ANKDD1B: variants seen among roughly 807,000 people sequenced by gnomAD.
ANKDD1B encodes the protein ankyrin repeat and death domain containing 1B.
Under a neutral mutation model 59.7 loss-of-function variants are expected in ANKDD1B, and 57 were observed. The observed-to-expected ratio is 0.95, with a 90% CI of 0.77 to 1.19. The LOEUF is 1.19. ANKDD1B is among the 50% of genes most tolerant of loss of function. The pLI is 0.00. For missense variants in ANKDD1B, 602 were observed against 641.9 expected (o/e 0.94, Z 0.67); for synonymous variants, 216 against 239.5 (o/e 0.90, Z 0.91).
At position 75,631,587 on chromosome 5, in the gene ANKDD1B, G is replaced by A. The variant is rs145917009; in HGVS notation, c.601-3311G>A. On this transcript the variant is annotated intron_variant, in intron 5 of 13. Transcript: ENST00000601380. ...GGGCATGAGCCTTCTAAGCCAGGAT[G>A]GCTCCGACCCATCCAATGTGGATCT... 3.5e-3 allele frequency among the ~76,000 whole-genome samples: 538 copies of A among 152,264 alleles called. 6 individuals carry two copies. Among genetic ancestry groups the A allele is most frequent in the African/African-American group, 0.011 (453 of 41,550 alleles).
At chr5:75,661,060 C>T (rs1157869183) in intron 10 of ANKDD1B, among the ~76,000 whole-genome samples, 1 of 150,044 alleles carries the variant, frequency 6.7e-6, no homozygotes, top group Non-Finnish European at 1.5e-5. Flanking sequence ...GTGTCAGTTT[C>T]TAAAATTAGG....
At chr5:75,638,933 T>C (rs149884550) in intron 7 of ANKDD1B, among the ~76,000 whole-genome samples, 7 of 152,368 alleles carry the variant, frequency 4.6e-5, no homozygotes, top group Non-Finnish European at 1.0e-4. Flanking sequence ...TTTTTGTTTA[T>C]TATAGGTAGT....
At chr5:75,666,486 C>T (rs1036158300) in intron 11 of ANKDD1B, among the ~76,000 whole-genome samples, 3 of 152,148 alleles carry the variant, frequency 2.0e-5, no homozygotes, top group African/African-American at 7.2e-5. Flanking sequence ...GTTGTTGTGA[C>T]ACATCCTTTG....
chr5:75,638,202 T>C (rs1774366837), intron 7 of ANKDD1B, among the ~76,000 whole-genome samples: 1 of 152,204 alleles, frequency 6.6e-6, no homozygotes, highest in Admixed American at 6.5e-5. Context: ...TTTAAACCAC[T>C]GGAATATGTG....
chr5:75,625,001 T>C (rs949746677), intron 3 of ANKDD1B, among the ~76,000 whole-genome samples: 31 of 152,354 alleles, frequency 2.0e-4, no homozygotes, highest in Admixed American at 2.0e-3. Context: ...TTAGCATTCC[T>C]ATGTTGATAG....
chr5:75,663,612 A>G, intron 11 of ANKDD1B, 123 bp downstream of exon 11: 1 of 765,118 alleles, frequency 1.3e-6, no homozygotes, highest in Admixed American at 2.3e-5. Context: ...CAGTACAATT[A>G]TAACTGTCCC....
chr5:75,621,680 ATCTTT>A (rs1773852771), intron 3 of ANKDD1B, among the ~76,000 whole-genome samples: 2 of 152,208 alleles, frequency 1.3e-5, no homozygotes, highest in South Asian at 2.1e-4. Flanking sequence ...ATTAGATTGC[ATCTTT>A]TCTTTTAAAC....
At chr5:75,646,782 C>T (rs1403874956) in intron 7 of ANKDD1B, among the ~76,000 whole-genome samples, 2 of 114,446 alleles carry the variant, frequency 1.7e-5, no homozygotes, top group African/African-American at 1.4e-4. Flanking sequence ...AAAAACAGTC[C>T]GCATCGCCAA....
intron 10 of ANKDD1B, 76 bp downstream of exon 10, chr5:75,659,457 C>T (rs1010534189): frequency 9.7e-6 from 10 of 1,031,268 alleles, no homozygotes; most frequent in Admixed American, 2.0e-5. Context: ...CCTTGAGCAG[C>T]GTTATTGGAA....
In ANKDD1B at chr5:75,666,909, C is replaced by T; in HGVS notation, c.1309C>T (p.Leu437=). 6.5e-7 allele frequency: 1 copy of T among 1,532,830 alleles called. No individual in the cohort carries two copies. Among genetic ancestry groups the T allele is most frequent in the South Asian group, 1.2e-5 (1 of 83,492 alleles). The allele number at this position is 1,532,830 out of a possible 1,614,324, so 95.0% of individuals were successfully genotyped here. ...TLLWDLAYHQ[L]KANEWQRLAR... ...TCTCTGGGACCTGGCTTACCATCAG[C>T]TGAAGGCCAATGAGTGGCAGAGGCT... Residue 437 remains leucine (L), a synonymous_variant, in exon 12 of 14, where the codon CTG becomes TTG. Coordinates refer to ENST00000601380, the MANE Select transcript of ANKDD1B (RefSeq NM_001276713.2).
intron 2 of ANKDD1B, 132 bp from the exon 3 acceptor site, chr5:75,620,183 A>G (rs953603945): frequency 5.2e-6 from 3 of 579,084 alleles, no homozygotes; most frequent in South Asian, 4.4e-5. Context: ...TTTCAAAGGT[A>G]AAGGCAAAGA....
chr5:75,655,567 T>G (rs968458543), intron 8 of ANKDD1B, among the ~76,000 whole-genome samples: 1 of 152,226 alleles, frequency 6.6e-6, no homozygotes, highest in African/African-American at 2.4e-5. Flanking sequence ...TATTTGAGTT[T>G]AAATGTCAGT....
At chr5:75,647,438 A>T (rs879035859) in intron 7 of ANKDD1B, among the ~76,000 whole-genome samples, 1 of 125,638 alleles carries the variant, frequency 8.0e-6, no homozygotes, top group Non-Finnish European at 1.5e-5. Flanking sequence ...AAAAGTGGGC[A>T]AAGGACATGA....
Position 75,666,989 on chromosome 5 carries a change from G to A in ANKDD1B, c.1389G>A (p.Trp463Ter). ...AGATTAGAGCCATTGAGGAGCAGTG[G>A]TCGGGTGAGTACAGACTAGATGATG... ...DDQIRAIEEQ[W>*]SGNESFREHG... The change falls in exon 12 of 14, where the codon TGG (tryptophan) becomes TGA (stop). Residue 463 changes from tryptophan (W) to a stop codon, truncating the protein, a stop_gained. Coordinates refer to ENST00000601380, the MANE Select transcript of ANKDD1B (RefSeq NM_001276713.2). LOFTEE classifies it high-confidence loss of function. The A allele has an allele frequency of 6.8e-7, 1 of 1,475,608 alleles. No homozygotes were observed. Among genetic ancestry groups the A allele is most frequent in the Non-Finnish European group, 8.9e-7 (1 of 1,119,554 alleles). 91.4% of individuals were successfully genotyped at this position (1,475,608 alleles called of 1,614,324 possible). A position where few individuals can be genotyped will look rare whatever the true frequency, so the allele number is the denominator to read the frequency against.
chr5:75,647,989 A>T (rs972233503), intron 7 of ANKDD1B, among the ~76,000 whole-genome samples: 10 of 120,502 alleles, frequency 8.3e-5, no homozygotes, highest in Non-Finnish European at 1.2e-4. Flanking sequence ...ATTCTCAGTA[A>T]ACTATCACAA....
chr5:75,625,770 C>T, intron 4 of ANKDD1B, 25 bp downstream of exon 4: 1 of 1,532,422 alleles, frequency 6.5e-7, no homozygotes, highest in Non-Finnish European at 8.7e-7. Context: ...CACACCTGGA[C>T]AAAAGCTCTT....
At chr5:75,657,547 A>G (rs1462547662) in intron 9 of ANKDD1B, among the ~76,000 whole-genome samples, 1 of 152,110 alleles carries the variant, frequency 6.6e-6, no homozygotes, top group East Asian at 1.9e-4. Context: ...TAGGTTTGTC[A>G]GTATAAGTGT....
At chr5:75,616,406 A>G (rs1294760368) in intron 1 of ANKDD1B, among the ~76,000 whole-genome samples, 3 of 152,222 alleles carry the variant, frequency 2.0e-5, no homozygotes, top group African/African-American at 7.2e-5. Context: ...TCTGAAGACA[A>G]CAGTTTTATC....
At chr5:75,629,324 A>C (rs1187035479) in intron 5 of ANKDD1B, among the ~76,000 whole-genome samples, 7 of 151,472 alleles carry the variant, frequency 4.6e-5, no homozygotes, top group African/African-American at 1.7e-4. Flanking sequence ...CTAGTTATTC[A>C]GGGTTTCCCC....
Sources: gnomAD v4.1 joint callset for allele counts (sites outside exome capture counted in the v4.1 genomes callset) on GRCh38, gnomAD v4.1.1 for gene constraint, MANE v1.5 for transcripts, NCBI Gene and HGNC (gene_info 2026-07-23, HGNC 2026-07-21) for gene names.